The following SCAI variants were observed in gnomAD, a reference collection of about 807,000 sequenced individuals.
SCAI encodes suppressor of cancer cell invasion, also known as protein SCAI.
SCAI carries 24 observed loss-of-function variants against 92.2 expected under a neutral mutation model. The observed-to-expected ratio is 0.26, with a 90% confidence interval of 0.19 to 0.37. The LOEUF (loss-of-function observed/expected upper bound fraction) is 0.37. Ranked by LOEUF, SCAI falls within the 10% of genes least tolerant of loss-of-function variation. SCAI has a pLI of 1.00. For missense variants in SCAI, 450 were observed against 736.2 expected (o/e 0.61, Z 4.50); for synonymous variants, 261 against 258.6 (o/e 1.01, Z -0.09).
chr9:125,049,199 C>T (rs1171208977), intron 3 of SCAI, among the ~76,000 whole-genome samples: 1 of 151,954 alleles, frequency 6.6e-6, no homozygotes, highest in African/African-American at 2.4e-5. Flanking sequence ...ATTATATATA[C>T]TATCAGTGGC....
intron 17 of SCAI, among the ~76,000 whole-genome samples, chr9:124,965,266 C>G (rs1831516681): frequency 6.6e-6 from 1 of 151,998 alleles, no homozygotes. Flanking sequence ...TGGAGTCTTG[C>G]TCTGTCGCCC....
At position 124,948,988 on chromosome 9, in the gene SCAI, A is replaced by G. The variant is rs1396793329; in HGVS notation, c.*3819T>C. The stretch of plus-strand genomic sequence containing the variant: ...ATCATCAGCTCAAGCCCATTGGGCA[A>G]CTGTCCTTTTAGATAATTCTTCTCC... On this transcript the variant is annotated 3_prime_UTR_variant, in exon 18 of 18. Transcript: ENST00000336505. The G allele has an allele frequency of 6.6e-6, 1 of 152,278 alleles. No homozygotes were observed. Among genetic ancestry groups the G allele is most frequent in the African/African-American group, 2.4e-5 (1 of 41,478 alleles). The allele number at this position is 152,278 out of a possible 1,614,324, so 9.4% of individuals were successfully genotyped here.
intron 3 of SCAI, among the ~76,000 whole-genome samples, chr9:125,052,017 AG>A (rs1389051901): frequency 2.0e-5 from 3 of 152,218 alleles, no homozygotes; most frequent in Non-Finnish European, 4.4e-5. Context: ...ACTGCACTCC[AG>A]CCTGGGTGAC....
At chr9:125,056,074 A>G in intron 2 of SCAI, 67 bp from the exon 3 acceptor site, 1 of 1,146,688 alleles carries the variant, frequency 8.7e-7, no homozygotes, top group Non-Finnish European at 1.2e-6. Flanking sequence ...CCTTAGTTAT[A>G]TCATCTGATA....
At chr9:125,019,340 C>A in intron 7 of SCAI, 135 bp from the exon 8 acceptor site, 1 of 549,304 alleles carries the variant, frequency 1.8e-6, no homozygotes, top group Non-Finnish European at 3.2e-6. Context: ...CTGATTATAA[C>A]AAAAAACAAA....
intron 2 of SCAI, among the ~76,000 whole-genome samples, chr9:125,074,919 G>A (rs535832305): frequency 2.6e-5 from 4 of 151,960 alleles, no homozygotes; most frequent in East Asian, 1.9e-4. Flanking sequence ...CAGGAGAATC[G>A]CTTGAATCCA....
intron 2 of SCAI, among the ~76,000 whole-genome samples, chr9:125,094,170 A>G (rs1834499625): frequency 6.6e-6 from 1 of 152,170 alleles, no homozygotes; most frequent in Admixed American, 6.5e-5. Flanking sequence ...ATGGTTTCCC[A>G]TCTCATTCTG....
intron 2 of SCAI, among the ~76,000 whole-genome samples, chr9:125,061,894 G>GA (rs1298439400): frequency 2.0e-5 from 3 of 151,794 alleles, no homozygotes; most frequent in African/African-American, 4.8e-5. Flanking sequence ...AGAGATATAG[G>GA]AAAAAAATAT....
At chr9:124,962,590 A>AT (rs1831462519) in intron 17 of SCAI, among the ~76,000 whole-genome samples, 1 of 152,026 alleles carries the variant, frequency 6.6e-6, no homozygotes, top group African/African-American at 2.4e-5. Flanking sequence ...GGCTTCACAG[A>AT]TTTTCTTTTC....
chr9:125,032,729 T>A (rs1451989161), intron 3 of SCAI, among the ~76,000 whole-genome samples: 2 of 150,778 alleles, frequency 1.3e-5, no homozygotes, highest in Non-Finnish European at 2.9e-5. Context: ...TTCTCCTACC[T>A]CAGCCTCCAA....
At chr9:125,053,767 C>T (rs1833609611) in intron 3 of SCAI, among the ~76,000 whole-genome samples, 1 of 152,064 alleles carries the variant, frequency 6.6e-6, no homozygotes, top group African/African-American at 2.4e-5. Flanking sequence ...TGCAAACATA[C>T]CAAACTTTTC....
chr9:125,140,716 G>C (rs897826013), intron 2 of SCAI, among the ~76,000 whole-genome samples: 4 of 146,246 alleles, frequency 2.7e-5, no homozygotes, highest in African/African-American at 1.0e-4. Flanking sequence ...AAAAAGAGCT[G>C]GGTGAGGTGT....
At position 125,105,697 on chromosome 9, in the gene SCAI, T is replaced by C. The variant is rs146744200; in HGVS notation, c.98+36936A>G. ...ATTGTCTGTATTTCCACGTTTGGCA[T>C]AGAGAAGGAAATTGCTTACATTACT... On this transcript the variant is annotated intron_variant, in intron 2 of 17. Transcript: ENST00000336505. Among the ~76,000 whole-genome samples, 39 of 152,318 alleles carry C rather than the reference T, an allele frequency of 2.6e-4. No individual in the cohort carries two copies. In the East Asian group the frequency reaches 7.1e-3, roughly 28 times the overall value.
At chr9:125,012,055 C>G (rs190258547) in intron 9 of SCAI, among the ~76,000 whole-genome samples, 2 of 152,150 alleles carry the variant, frequency 1.3e-5, no homozygotes, top group Non-Finnish European at 2.9e-5. Context: ...AAGGAACAAC[C>G]GGTACTAGCC....
chr9:125,117,224 A>C (rs1835063314), intron 2 of SCAI, among the ~76,000 whole-genome samples: 1 of 152,226 alleles, frequency 6.6e-6, no homozygotes. Flanking sequence ...CAATAGCATA[A>C]ACTACCTAGA....
intron 17 of SCAI, among the ~76,000 whole-genome samples, chr9:124,963,730 C>T (rs1367519529): frequency 2.3e-5 from 3 of 131,908 alleles, no homozygotes; most frequent in African/African-American, 8.7e-5. Flanking sequence ...AGCCTTCCAA[C>T]CTGGGCAACA....
intron 2 of SCAI, among the ~76,000 whole-genome samples, chr9:125,119,092 G>A (rs1016415789): frequency 5.9e-5 from 9 of 152,136 alleles, no homozygotes; most frequent in African/African-American, 2.4e-5. Context: ...GATTACCTAA[G>A]CCCACAAATT....
intron 14 of SCAI, among the ~76,000 whole-genome samples, chr9:124,980,322 T>TG (rs1831858580): frequency 6.6e-6 from 1 of 151,506 alleles, no homozygotes; most frequent in Non-Finnish European, 1.5e-5. Context: ...TTTTTTTTTT[T>TG]CCCCCAATAA....
chr9:124,958,237 A>G (rs1200161945), intron 17 of SCAI, among the ~76,000 whole-genome samples: 2 of 152,208 alleles, frequency 1.3e-5, no homozygotes, highest in Non-Finnish European at 2.9e-5. Flanking sequence ...TAAAATTTAT[A>G]TAGACGTACA....
Sources: gnomAD v4.1 joint callset for allele counts (sites outside exome capture counted in the v4.1 genomes callset) on GRCh38, gnomAD v4.1.1 for gene constraint, MANE v1.5 for transcripts, NCBI Gene and HGNC (gene_info 2026-07-23, HGNC 2026-07-21) for gene names.